The following RPA3 variants were observed in gnomAD, a reference collection of about 807,000 sequenced individuals.
The protein encoded by RPA3 is replication protein A3, also known as replication protein A 14 kDa subunit.
RPA3 carries 24 observed loss-of-function variants against 13.7 expected under a neutral mutation model. The observed-to-expected ratio is 1.75, with a 90% confidence interval of 1.27 to 2.46. The LOEUF (loss-of-function observed/expected upper bound fraction) is 2.46. Among genes scored for constraint, RPA3 ranks in the 30% most tolerant of loss-of-function variants. The probability of loss-of-function intolerance (pLI) is 0.00; values close to 1 mark genes in which losing one functional copy is unlikely to be tolerated. For missense variants in RPA3, 183 were observed against 151.0 expected, an observed-to-expected ratio of 1.21 and a Z score of -1.11; for synonymous variants, 59 against 51.2, an observed-to-expected ratio of 1.15 and a Z score of -0.65.
intron 2 of RPA3, among the ~76,000 whole-genome samples, chr7:7,703,443 A>G (rs529511442): frequency 6.6e-6 from 1 of 152,308 alleles, no homozygotes; most frequent in East Asian, 1.9e-4. Flanking sequence ...TTTCTTATTT[A>G]TTAAATAAAA....
intron 2 of RPA3, among the ~76,000 whole-genome samples, chr7:7,710,711 A>G (rs1005511887): frequency 6.6e-6 from 1 of 152,236 alleles, no homozygotes; most frequent in African/African-American, 2.4e-5. Context: ...ATCCCAGAGA[A>G]ATTGAAGACG....
chr7:7,678,540 TATAG>T (rs1174182066), intron 4 of RPA3, among the ~76,000 whole-genome samples: 2 of 139,336 alleles, frequency 1.4e-5, no homozygotes, highest in African/African-American at 2.6e-5. Context: ...ATACTTAATT[TATAG>T]ATAAATATAT....
rs936866768 is a variant in RPA3 at position 7,636,685 on chromosome 7, G to A, written c.*315C>T. 1.3e-5 allele frequency: 3 copies of A among 225,392 alleles called. No individual in the cohort carries two copies. The highest frequency in any genetic ancestry group is 2.6e-5 in the Non-Finnish European group (3 of 116,550). 14.0% of individuals were successfully genotyped at this position (225,392 alleles called of 1,614,324 possible). A position where few individuals can be genotyped will look rare whatever the true frequency, so the allele number is the denominator to read the frequency against. ...ATTTCAAGTTTGTGCTTGAATACAT[G>A]ATTAAAAGAATGAAAATGAAATGAC... On this transcript the variant is annotated 3_prime_UTR_variant, in exon 8 of 8. Coordinates refer to ENST00000223129, the MANE Select transcript of RPA3 (RefSeq NM_002947.5).
rs1385457288 is a variant in RPA3 at position 7,640,107 on chromosome 7, C to T, written c.99+213G>A. On this transcript the variant is annotated intron_variant, in intron 5 of 7. Transcript: ENST00000223129. ...GCGACGGGCACTGGAATTTAGAACT[C>T]AGCATTTGAAAACACTTTGTTTCCG... 5.0e-5 allele frequency: 29 copies of T among 580,142 alleles called. No homozygotes were observed. In the South Asian group the frequency reaches 5.4e-4, roughly 11 times the overall value. The allele number at this position is 580,142 out of a possible 1,614,324, so 35.9% of individuals were successfully genotyped here.
chr7:7,639,355 A>G (rs1374389148), intron 5 of RPA3, among the ~76,000 whole-genome samples: 1 of 152,170 alleles, frequency 6.6e-6, no homozygotes, highest in Non-Finnish European at 1.5e-5. Flanking sequence ...CAGATAAACA[A>G]GGATTTTTTT....
intron 4 of RPA3, among the ~76,000 whole-genome samples, chr7:7,655,024 A>G (rs755673026): frequency 4.6e-5 from 7 of 152,186 alleles, no homozygotes; most frequent in African/African-American, 7.2e-5. Context: ...TCTATTCTAG[A>G]AAATTAGTAA....
rs1163603765 is a variant in RPA3 at position 7,640,771 on chromosome 7, G to A, written c.-353C>T. The A allele has an allele frequency of 8.4e-6, 2 of 239,040 alleles. No homozygotes were observed. The highest frequency in any genetic ancestry group is 1.7e-5 in the Non-Finnish European group (2 of 119,716). 14.8% of individuals were successfully genotyped at this position (239,040 alleles called of 1,614,324 possible). On this transcript the variant is annotated 5_prime_UTR_variant, in exon 5 of 8. Transcript: ENST00000223129. ...GGCGGTGACTTGACCCCGGAAGTGG[G>A]GTGTGAAGCTCCGGTGCTGGTGCGG...
At chr7:7,642,527 C>T (rs866502570) in intron 4 of RPA3, among the ~76,000 whole-genome samples, 1 of 151,754 alleles carries the variant, frequency 6.6e-6, no homozygotes, top group African/African-American at 2.4e-5. Flanking sequence ...TCGTTGTTTA[C>T]CTGCAGTTAG....
At chr7:7,669,523 C>T (rs7791564) in intron 4 of RPA3, among the ~76,000 whole-genome samples, 88,362 of 151,996 alleles carry the variant, frequency 0.58, 25,946 homozygotes, top group East Asian at 0.8. Context: ...AGTGCTTTAG[C>T]ATATGTTCTT....
At chr7:7,643,118 C>T (rs1488843020) in intron 4 of RPA3, among the ~76,000 whole-genome samples, 1 of 152,116 alleles carries the variant, frequency 6.6e-6, no homozygotes, top group African/African-American at 2.4e-5. Flanking sequence ...ATTTGCTTCT[C>T]TAAAAATGAT....
intron 4 of RPA3, among the ~76,000 whole-genome samples, chr7:7,646,823 G>A (rs1785106547): frequency 6.6e-6 from 1 of 152,058 alleles, no homozygotes; most frequent in Non-Finnish European, 1.5e-5. Context: ...CCATTCTGCT[G>A]CTCTGCCACT....
At chr7:7,708,331 G>A (rs1780657569) in intron 2 of RPA3, among the ~76,000 whole-genome samples, 1 of 152,162 alleles carries the variant, frequency 6.6e-6, no homozygotes, top group Non-Finnish European at 1.5e-5. Context: ...GCTACTTGTA[G>A]ACGAAGGAAG....
At chr7:7,664,922 G>A (rs1779399861) in intron 4 of RPA3, among the ~76,000 whole-genome samples, 1 of 152,056 alleles carries the variant, frequency 6.6e-6, no homozygotes, top group African/African-American at 2.4e-5. Context: ...GTTAAACATC[G>A]TTCAGGATTT....
At chr7:7,717,768 C>G (rs992664567) in intron 1 of RPA3, among the ~76,000 whole-genome samples, 9 of 152,128 alleles carry the variant, frequency 5.9e-5, no homozygotes, top group African/African-American at 2.2e-4. Flanking sequence ...GAACTCTGGC[C>G]TGGATGAGAG....
intron 2 of RPA3, among the ~76,000 whole-genome samples, chr7:7,689,757 A>G (rs1389153564): frequency 6.6e-6 from 1 of 152,196 alleles, no homozygotes; most frequent in Non-Finnish European, 1.5e-5. Flanking sequence ...AATGAAATTA[A>G]TAGATTGTCA....
rs368155361 is a variant in RPA3 at position 7,640,432 on chromosome 7, G to C, written c.-14C>G. ...CATGTCCACCATGATTATGGTCCAA[G>C]ACTGCGGCTGGCGGGAAACCCACGG... is the stretch of plus-strand genomic sequence containing the variant. On this transcript the variant is annotated 5_prime_UTR_variant, in exon 5 of 8. Transcript: ENST00000223129. 7.1e-5 allele frequency: 115 copies of C among 1,612,598 alleles called. No individual in the cohort carries two copies. Among genetic ancestry groups the C allele is most frequent in the Non-Finnish European group, 8.9e-5 (105 of 1,179,202 alleles).
chr7:7,685,207 T>G (rs1780013362), intron 4 of RPA3, among the ~76,000 whole-genome samples: 1 of 152,196 alleles, frequency 6.6e-6, no homozygotes, highest in Admixed American at 6.5e-5. Context: ...TACAATATTC[T>G]TTTATACTTA....
intron 4 of RPA3, among the ~76,000 whole-genome samples, chr7:7,654,485 A>C (rs1420191659): frequency 6.6e-6 from 1 of 152,264 alleles, no homozygotes; most frequent in Non-Finnish European, 1.5e-5. Flanking sequence ...CTGATACCCA[A>C]ATCCACAGAT....
At chr7:7,643,372 C>T (rs1785018479) in intron 4 of RPA3, among the ~76,000 whole-genome samples, 1 of 152,194 alleles carries the variant, frequency 6.6e-6, no homozygotes, top group African/African-American at 2.4e-5. Flanking sequence ...TGCCGGCAGC[C>T]TATCCTAAGG....
Sources: gnomAD v4.1 joint callset for allele counts (sites outside exome capture counted in the v4.1 genomes callset) on GRCh38, gnomAD v4.1.1 for gene constraint, MANE v1.5 for transcripts, NCBI Gene and HGNC (gene_info 2026-07-23, HGNC 2026-07-21) for gene names.